The following DPH6 variants were observed in gnomAD, a reference collection of about 807,000 sequenced individuals.
DPH6 encodes diphthine--ammonia ligase.
Under a neutral mutation model 38.2 loss-of-function variants are expected in DPH6, and 33 were observed. That is an observed-to-expected ratio of 0.86 (90% CI 0.65 to 1.15). The LOEUF is 1.15. DPH6 is among the 50% of genes most tolerant of loss of function. DPH6 has a pLI of 0.00. For missense variants in DPH6, 325 were observed against 320.0 expected, an observed-to-expected ratio of 1.02 and a Z score of -0.12; for synonymous variants, 108 against 103.0, an observed-to-expected ratio of 1.05 and a Z score of -0.30.
chr15:35,539,777 T>C (rs146778563), intron 2 of DPH6, among the ~76,000 whole-genome samples: 317 of 152,108 alleles, frequency 2.1e-3, no homozygotes, highest in African/African-American at 7.2e-3. Context: ...TCAAAAGGAA[T>C]GAAAAGTGAT....
At chr15:35,545,517 C>T (rs1349967718) in intron 1 of DPH6, among the ~76,000 whole-genome samples, 1 of 152,216 alleles carries the variant, frequency 6.6e-6, no homozygotes, top group African/African-American at 2.4e-5. Context: ...GATCTCTGTA[C>T]TTGAGTGCCC....
chr15:35,464,827 C>A (rs572700898), intron 3 of DPH6, among the ~76,000 whole-genome samples: 2 of 152,268 alleles, frequency 1.3e-5, no homozygotes, highest in South Asian at 4.1e-4. Flanking sequence ...AGAACATACA[C>A]ACATGAGGAT....
At chr15:35,282,986 GA>G in intron 3 of DPH6, 2 of 260,488 alleles carry the variant, frequency 7.7e-6, no homozygotes, top group Non-Finnish European at 7.8e-6. Flanking sequence ...CTGATCTCCT[GA>G]ATATCATCAT....
At chr15:35,482,415 T>G (rs1406539153) in intron 3 of DPH6, among the ~76,000 whole-genome samples, 1 of 152,054 alleles carries the variant, frequency 6.6e-6, no homozygotes, top group African/African-American at 2.4e-5. Context: ...GAGAGTAAAG[T>G]GGGAAAACTT....
intron 3 of DPH6, among the ~76,000 whole-genome samples, chr15:35,482,205 G>A (rs2054335603): frequency 6.6e-6 from 1 of 152,182 alleles, no homozygotes; most frequent in Admixed American, 6.5e-5. Context: ...AAAAACCAGT[G>A]ACTCATCTAG....
At chr15:35,436,494 C>CAAACAAAAAAAAAA (rs1566909220) in intron 5 of DPH6, among the ~76,000 whole-genome samples, 1 of 9,138 alleles carries the variant, frequency 1.1e-4, no homozygotes, top group African/African-American at 2.4e-4. Flanking sequence ...CAAAACAAAA[C>CAAACAAAAAAAAAA]AAAACAAAAC....
chr15:35,523,825 G>C (rs564537572), intron 3 of DPH6, among the ~76,000 whole-genome samples: 1 of 152,174 alleles, frequency 6.6e-6, no homozygotes, highest in African/African-American at 2.4e-5. Flanking sequence ...AAAGCACTAA[G>C]TGTAAGACAA....
chr15:35,527,622 T>C (rs2055024098), intron 3 of DPH6, among the ~76,000 whole-genome samples: 1 of 151,874 alleles, frequency 6.6e-6, no homozygotes, highest in Admixed American at 6.6e-5. Flanking sequence ...GAGGAGGACA[T>C]CAGGAAAGAG....
At chr15:35,332,829 C>CATTT (rs1355853509) in intron 3 of DPH6, among the ~76,000 whole-genome samples, 1 of 151,664 alleles carries the variant, frequency 6.6e-6, no homozygotes, top group Non-Finnish European at 1.5e-5. Flanking sequence ...TATGTGCATG[C>CATTT]ACATACAATT....
At chr15:35,228,343 T>G (rs957937765) in intron 3 of DPH6, among the ~76,000 whole-genome samples, 1 of 152,240 alleles carries the variant, frequency 6.6e-6, no homozygotes, top group Non-Finnish European at 1.5e-5. Context: ...TCTTTCTACG[T>G]AGGATACGAG....
intron 3 of DPH6, among the ~76,000 whole-genome samples, chr15:35,460,815 A>C (rs76151815): frequency 0.023 from 3,553 of 151,498 alleles, 141 homozygotes; most frequent in African/African-American, 0.081. Context: ...ATTGCTGGGA[A>C]GCTAGTCCAG....
intron 3 of DPH6, among the ~76,000 whole-genome samples, chr15:35,364,727 C>A (rs1457859451): frequency 6.6e-6 from 1 of 151,780 alleles, no homozygotes; most frequent in African/African-American, 2.4e-5. Context: ...TTGTTTCCAG[C>A]AGTTTTACCA....
the DPH6 span, among the ~76,000 whole-genome samples, chr15:35,151,742 A>G: frequency 1.3e-5 from 2 of 152,226 alleles, no homozygotes; most frequent in African/African-American, 2.4e-5. Context: ...CCTGAACTAG[A>G]ATAAGAAAGC....
the DPH6 span, among the ~76,000 whole-genome samples, chr15:35,146,691 A>T: frequency 6.6e-6 from 1 of 152,168 alleles, no homozygotes; most frequent in Admixed American, 6.5e-5. Context: ...ACTAAAGGTG[A>T]ATTTGAAAAA....
intron 3 of DPH6, among the ~76,000 whole-genome samples, chr15:35,351,102 C>A (rs2052506783): frequency 6.6e-6 from 1 of 152,114 alleles, no homozygotes; most frequent in Admixed American, 6.6e-5. Context: ...TATATATTCA[C>A]CTAATATATA....
In DPH6 at chr15:35,334,317, A is replaced by C. The variant is rs567738951; in HGVS notation, n.208-3240T>G. 1.3e-4 allele frequency among the ~76,000 whole-genome samples: 20 copies of C among 152,312 alleles called. No individual in the cohort carries two copies. The South Asian group carries it at 2.5e-3, about 19-fold the overall frequency. ...GGTACATACACAAAAATATAGCTTG[A>C]AGATAAACTTGTATATTATGATAGC... On this transcript the variant is annotated intron_variant and non_coding_transcript_variant, in intron 3 of 3. Coordinates refer to the DPH6 transcript ENST00000558973.
chr15:35,404,961 A>C (rs967450045), intron 6 of DPH6, among the ~76,000 whole-genome samples: 1 of 152,092 alleles, frequency 6.6e-6, no homozygotes, highest in Non-Finnish European at 1.5e-5. Flanking sequence ...AGTTTTCCCT[A>C]CATAATTTAT....
chr15:35,299,903 T>C (rs1285939506), intron 3 of DPH6, among the ~76,000 whole-genome samples: 1 of 152,238 alleles, frequency 6.6e-6, no homozygotes, highest in Non-Finnish European at 1.5e-5. Flanking sequence ...AATATAGTTC[T>C]AGGGCTCAAC....
intron 3 of DPH6, among the ~76,000 whole-genome samples, chr15:35,242,766 C>T (rs1246536116): frequency 7.0e-6 from 1 of 142,448 alleles, no homozygotes; most frequent in Non-Finnish European, 1.5e-5. Context: ...TGTATAGACG[C>T]TCCTTTTTAT....
Sources: gnomAD v4.1 joint callset for allele counts (sites outside exome capture counted in the v4.1 genomes callset) on GRCh38, gnomAD v4.1.1 for gene constraint, MANE v1.5 for transcripts, NCBI Gene and HGNC (gene_info 2026-07-23, HGNC 2026-07-21) for gene names.